Variants in CACNA1C observed in about 807,000 individuals in gnomAD.
CACNA1C encodes voltage-dependent L-type calcium channel subunit alpha-1C.
Under a neutral mutation model 229.0 loss-of-function variants are expected in CACNA1C, and 30 were observed. The observed-to-expected ratio is 0.13, with a 90% CI of 0.10 to 0.18. The LOEUF (loss-of-function observed/expected upper bound fraction) is 0.18, where lower values mean the gene tolerates loss of function less well. Among genes scored for constraint, CACNA1C ranks in the 10% least tolerant of loss-of-function variants. The probability of loss-of-function intolerance (pLI) is 1.00; values close to 1 mark genes in which losing one functional copy is unlikely to be tolerated. For synonymous variants in CACNA1C, 1,114 were observed against 1,132.5 expected, an observed-to-expected ratio of 0.98 and a Z score of 0.33; for missense variants, 1,658 against 2,845.0, an observed-to-expected ratio of 0.58 and a Z score of 9.49.
chr12:2,115,143 T>A (rs2083333712), intron 1 of CACNA1C, 81 bp from the exon 2 acceptor site: 1 of 1,139,094 alleles, frequency 8.8e-7, no homozygotes, highest in East Asian at 2.6e-5. Context: ...GAAAAAATTG[T>A]GAATCTGGGG....
At chr12:2,522,123 G>T (rs757002398) in intron 9 of CACNA1C, among the ~76,000 whole-genome samples, 2 of 152,192 alleles carry the variant, frequency 1.3e-5, no homozygotes, top group Non-Finnish European at 2.9e-5. Context: ...TCCTAGCCCA[G>T]GTCGAAGAGC....
At chr12:2,183,543 A>C (rs1467703709) in intron 3 of CACNA1C, among the ~76,000 whole-genome samples, 2 of 152,112 alleles carry the variant, frequency 1.3e-5, no homozygotes, top group Non-Finnish European at 2.9e-5. Context: ...ATATATACCA[A>C]CAAAAGTTGT....
chr12:2,629,179 T>A (rs765070562), intron 29 of CACNA1C, among the ~76,000 whole-genome samples: 1 of 152,106 alleles, frequency 6.6e-6, no homozygotes, highest in Non-Finnish European at 1.5e-5. Context: ...CACTTGAAGG[T>A]GTAATGAGGT....
intron 30 of CACNA1C, among the ~76,000 whole-genome samples, chr12:2,640,479 G>C (rs2093540310): frequency 6.6e-6 from 1 of 152,220 alleles, no homozygotes; most frequent in Non-Finnish European, 1.5e-5. Flanking sequence ...CAGAATGCAG[G>C]CTACACACCC....
At chr12:2,544,804 T>G (rs2099878065) in intron 9 of CACNA1C, among the ~76,000 whole-genome samples, 1 of 152,234 alleles carries the variant, frequency 6.6e-6, no homozygotes, top group Non-Finnish European at 1.5e-5. Context: ...GGCAAAACTT[T>G]GTAGCCCAAT....
At chr12:2,604,838 G>A (rs888341547) in intron 22 of CACNA1C, among the ~76,000 whole-genome samples, 2 of 152,160 alleles carry the variant, frequency 1.3e-5, no homozygotes, top group African/African-American at 4.8e-5. Context: ...CCTGCCATGA[G>A]CCACCTTGCA....
In CACNA1C at chr12:2,607,447, G is replaced by A. The variant is rs2075851775; in HGVS notation, c.3356+317G>A. On this transcript the variant is annotated intron_variant, in intron 26 of 46. Transcript: ENST00000399655. Reference sequence around the variant, plus strand: ...CTTATGGCATCTGGGAGTTGGGTGTGGGGAGAGCTTCTCCAGGTGTGGGCC... The same window carrying A: ...CTTATGGCATCTGGGAGTTGGGTGTAGGGAGAGCTTCTCCAGGTGTGGGCC... 1.6e-5 allele frequency: 4 copies of A among 249,478 alleles called. No homozygotes were observed. The East Asian group carries it at 3.4e-4, about 21-fold the overall frequency. The allele number at this position is 249,478 out of a possible 1,614,324, so 15.5% of individuals were successfully genotyped here. A position where few individuals can be genotyped will look rare whatever the true frequency, so the allele number is the denominator to read the frequency against.
chr12:2,458,317 G>A (rs1334820047), intron 5 of CACNA1C, among the ~76,000 whole-genome samples: 1 of 152,098 alleles, frequency 6.6e-6, no homozygotes, highest in African/African-American at 2.4e-5. Flanking sequence ...GAGAGGTATT[G>A]CCTATCCGGA....
chr12:2,057,615 C>T (rs2055663229), intron 1 of CACNA1C, among the ~76,000 whole-genome samples: 1 of 152,174 alleles, frequency 6.6e-6, no homozygotes, highest in Admixed American at 6.5e-5. Context: ...CCCACAGTGA[C>T]CTCTCCACCC....
chr12:2,078,364 T>G (rs542097454), intron 1 of CACNA1C, among the ~76,000 whole-genome samples: 14 of 152,328 alleles, frequency 9.2e-5, no homozygotes, highest in Non-Finnish European at 1.5e-4. Context: ...CAGCCTGAGC[T>G]GATTAAGATA....
chr12:2,209,955 T>G (rs2097866605), intron 3 of CACNA1C, among the ~76,000 whole-genome samples: 1 of 152,140 alleles, frequency 6.6e-6, no homozygotes, highest in Non-Finnish European at 1.5e-5. Context: ...ATGCAGCAAG[T>G]CAAGCTATAT....
intron 3 of CACNA1C, among the ~76,000 whole-genome samples, chr12:2,169,364 ACG>A (rs1410013639): frequency 1.3e-5 from 2 of 152,146 alleles, no homozygotes; most frequent in African/African-American, 2.4e-5. Flanking sequence ...CCAATCTGAA[ACG>A]TGTGAGTACA....
At chr12:2,292,318 G>C (rs1341398466) in intron 3 of CACNA1C, among the ~76,000 whole-genome samples, 2 of 152,236 alleles carry the variant, frequency 1.3e-5, no homozygotes, top group Non-Finnish European at 2.9e-5. Context: ...CATGTGTTCA[G>C]TTAGACACAG....
chr12:1,993,407 A>G, intron 1 of CACNA1C: 1 of 1,606,422 alleles, frequency 6.2e-7, no homozygotes, highest in African/African-American at 1.3e-5. Context: ...AATCACAAGG[A>G]GTCAGGGGGA....
chr12:2,280,038 C>T (rs1452639218), intron 3 of CACNA1C, among the ~76,000 whole-genome samples: 1 of 152,246 alleles, frequency 6.6e-6, no homozygotes, highest in East Asian at 1.9e-4. Context: ...GTGGATTTCT[C>T]ATAAGCAGCA....
In CACNA1C at chr12:2,565,857, A is replaced by G. The variant is rs1440307777; in HGVS notation, c.1509-565A>G. On this transcript the variant is annotated intron_variant, in intron 11 of 46. Coordinates refer to ENST00000399655, the MANE Select transcript of CACNA1C (RefSeq NM_000719.7). Reference sequence around the variant, plus strand: ...GATGTGGCACACACAGTCAGGGCCAAGAGGCTGGGCAGAAAACTACGGATG... The same window carrying G: ...GATGTGGCACACACAGTCAGGGCCAGGAGGCTGGGCAGAAAACTACGGATG... Among the ~76,000 whole-genome samples, 6 of 152,236 alleles carry G rather than the reference A, an allele frequency of 3.9e-5. No homozygotes were observed. The East Asian group carries it at 5.8e-4, about 15-fold the overall frequency.
At chr12:2,686,529 C>CAGCT (rs1434374994) in intron 45 of CACNA1C, among the ~76,000 whole-genome samples, 2 of 152,266 alleles carry the variant, frequency 1.3e-5, no homozygotes, top group Non-Finnish European at 2.9e-5. Flanking sequence ...TGAGGACCCA[C>CAGCT]AGCTGCAGGT....
At chr12:2,667,859 C>T (rs188222053) in intron 37 of CACNA1C, among the ~76,000 whole-genome samples, 2 of 152,262 alleles carry the variant, frequency 1.3e-5, no homozygotes, top group African/African-American at 4.8e-5. Flanking sequence ...TGACAAATAG[C>T]CCCCCTTGAG....
intron 3 of CACNA1C, among the ~76,000 whole-genome samples, chr12:2,276,979 T>A (rs1242556014): frequency 6.6e-6 from 1 of 152,110 alleles, no homozygotes; most frequent in African/African-American, 2.4e-5. Context: ...TCCCAGCGCC[T>A]CTGCCACGGC....
Sources: allele counts gnomAD v4.1 joint callset (sites outside exome capture counted in the v4.1 genomes callset), GRCh38; gene constraint gnomAD v4.1.1; transcripts MANE v1.5; gene names NCBI Gene and HGNC (gene_info 2026-07-23, HGNC 2026-07-21).